The following TNRC6C variants were observed in gnomAD, a reference collection of about 807,000 sequenced individuals.
TNRC6C encodes the protein trinucleotide repeat containing adaptor 6C.
In TNRC6C, 20 loss-of-function variants were observed where a neutral mutation model predicts 153.7. That is an observed-to-expected ratio of 0.13 (90% confidence interval 0.09 to 0.19). The LOEUF (loss-of-function observed/expected upper bound fraction) is 0.19. Among genes scored for constraint, TNRC6C ranks in the 10% least tolerant of loss-of-function variants. The probability of loss-of-function intolerance (pLI) is 1.00; values close to 1 mark genes in which losing one functional copy is unlikely to be tolerated. For synonymous variants in TNRC6C, 811 were observed against 841.4 expected, an observed-to-expected ratio of 0.96 and a Z score of 0.63; for missense variants, 1,987 against 2,172.0, an observed-to-expected ratio of 0.91 and a Z score of 1.69.
In TNRC6C at chr17:78,104,339, A is replaced by C; in HGVS notation, c.4713-146A>C. The stretch of plus-strand genomic sequence containing the variant: ...AGTCTGAACTGAGCAAAACATTCAC[A>C]GTCTGGGTTTGGAAATAGCAGTGGC... On this transcript the variant is annotated intron_variant, in intron 19 of 19. Coordinates refer to ENST00000301624, the Ensembl canonical transcript of TNRC6C. This position sits in a 1 kb window ranked among gnomAD's most constrained non-coding sequence, Gnocchi z 6.2. 1 of 1,127,058 alleles carries C rather than the reference A, an allele frequency of 8.9e-7. No homozygotes were observed. Among genetic ancestry groups the C allele is most frequent in the South Asian group, 1.9e-5 (1 of 53,520 alleles). The allele number at this position is 1,127,058 out of a possible 1,614,324, so 69.8% of individuals were successfully genotyped here.
chr17:78,046,838 C>T (rs1351895437), intron 2 of TNRC6C, among the ~76,000 whole-genome samples: 1 of 152,192 alleles, frequency 6.6e-6, no homozygotes, highest in East Asian at 1.9e-4. Flanking sequence ...TAATGCTATC[C>T]TTCTTTCAAA....
At chr17:78,008,574 T>C (rs1292693738) in intron 1 of TNRC6C, 1 of 152,186 alleles carries the variant, frequency 6.6e-6, no homozygotes, top group Admixed American at 6.5e-5. Flanking sequence ...CCCCTTGATT[T>C]TCCTCTATGC....
intron 9 of TNRC6C, among the ~76,000 whole-genome samples, chr17:78,077,958 C>T (rs1160755653): frequency 6.6e-6 from 1 of 152,188 alleles, no homozygotes; most frequent in Non-Finnish European, 1.5e-5. Context: ...AACATATCAT[C>T]CTTTCCCATC....
chr17:78,026,843 G>A (rs985765933), intron 1 of TNRC6C, among the ~76,000 whole-genome samples: 2 of 152,162 alleles, frequency 1.3e-5, no homozygotes, highest in South Asian at 2.1e-4. Context: ...AATGGTGACC[G>A]TTGGAATGAA....
At chr17:78,099,563 C>A (rs1358841366) in intron 17 of TNRC6C, among the ~76,000 whole-genome samples, 1 of 152,152 alleles carries the variant, frequency 6.6e-6, no homozygotes, top group Non-Finnish European at 1.5e-5. Context: ...CTCACTATCA[C>A]GAGAACAGCA....
chr17:77,962,578 GA>G (rs1424080819), intron 1 of TNRC6C, among the ~76,000 whole-genome samples: 38 of 152,346 alleles, frequency 2.5e-4, no homozygotes, highest in African/African-American at 8.9e-4. Context: ...GGAGCTGGCA[GA>G]AGGATAGGTT....
chr17:78,078,159 C>A (rs139045780), intron 9 of TNRC6C, among the ~76,000 whole-genome samples: 4 of 152,162 alleles, frequency 2.6e-5, no homozygotes, highest in Non-Finnish European at 5.9e-5. Context: ...GTGATCCTGG[C>A]GATCTGACAT....
chr17:78,057,320 A>G (rs1190363483), intron 3 of TNRC6C, among the ~76,000 whole-genome samples: 2 of 152,226 alleles, frequency 1.3e-5, no homozygotes, highest in African/African-American at 4.8e-5. Context: ...AGTGAGAGCA[A>G]AGTTCATCAC....
chr17:77,967,178 CT>C (rs1188146291), intron 1 of TNRC6C, among the ~76,000 whole-genome samples: 1 of 152,096 alleles, frequency 6.6e-6, no homozygotes, highest in African/African-American at 2.4e-5. Flanking sequence ...GTTATTTATT[CT>C]TTTCTATCAA....
chr17:78,107,093 T>G lies in TNRC6C; in HGVS notation c.*2248T>G, dbSNP rs549159215. The stretch of plus-strand genomic sequence containing the variant: ...ATGGACATACACCTGCGTATGTATA[T>G]CCAATATGTGTGCGTGTGAGCATGC... On this transcript the variant is annotated 3_prime_UTR_variant, in exon 20 of 20. Coordinates refer to ENST00000301624, the Ensembl canonical transcript of TNRC6C. 7 of 152,200 alleles carry G rather than the reference T, an allele frequency of 4.6e-5. No individual in the cohort carries two copies. The South Asian group carries it at 1.4e-3, about 32-fold the overall frequency. 9.4% of individuals were successfully genotyped at this position (152,200 alleles called of 1,614,324 possible).
chr17:78,103,315 G>T, intron 18 of TNRC6C, 99 bp from the exon 22 acceptor site: 2 of 1,380,022 alleles, frequency 1.4e-6, no homozygotes, highest in East Asian at 2.4e-5. Context: ...AACATTCCTA[G>T]TGTTTAGTGT....
intron 1 of TNRC6C, among the ~76,000 whole-genome samples, chr17:77,967,540 C>G (rs1158316584): frequency 6.6e-6 from 1 of 152,118 alleles, no homozygotes; most frequent in Non-Finnish European, 1.5e-5. Flanking sequence ...GGGAAGCTGA[C>G]AGGTGAGGAA....
At position 77,959,286 on chromosome 17, in the gene TNRC6C, C is replaced by A. The variant is rs1445562036; in HGVS notation, c.-38+18C>A. 6.6e-6 allele frequency: 1 copy of A among 151,074 alleles called. No homozygotes were observed. Among genetic ancestry groups the A allele is most frequent in the African/African-American group, 2.4e-5 (1 of 41,228 alleles). 9.4% of individuals were successfully genotyped at this position (151,074 alleles called of 1,614,324 possible). On this transcript the variant is annotated intron_variant, in intron 1 of 22. Transcript: ENST00000636222. ...GAGCCCAGGTGAGCGCGGCAGTCCG[C>A]CCGCTCCTCGCCGCAGCCGCAACTT...
upstream of TNRC6C, among the ~76,000 whole-genome samples, chr17:77,958,378 A>G (rs1317533471): frequency 6.6e-6 from 1 of 151,746 alleles, no homozygotes; most frequent in Non-Finnish European, 1.5e-5. Context: ...AGCTCCCAGG[A>G]CTGGCGCGCG....
chr17:77,957,839 G>T (rs1431664394), upstream of TNRC6C, among the ~76,000 whole-genome samples: 1 of 152,278 alleles, frequency 6.6e-6, no homozygotes, highest in African/African-American at 2.4e-5. Context: ...GATCACGGCG[G>T]CGTACGGAGC....
At chr17:78,015,486 T>C (rs1361210206) in intron 1 of TNRC6C, among the ~76,000 whole-genome samples, 1 of 152,246 alleles carries the variant, frequency 6.6e-6, no homozygotes, top group African/African-American at 2.4e-5. Context: ...TATTATACTT[T>C]AGGCTAATGG....
chr17:78,089,755 CAG>C (rs1333956770), intron 13 of TNRC6C, among the ~76,000 whole-genome samples: 2 of 152,138 alleles, frequency 1.3e-5, no homozygotes, highest in Non-Finnish European at 2.9e-5. Flanking sequence ...AAAGAAAAAT[CAG>C]AGAGTAGGAT....
exon 3 of TNRC6C, chr17:78,050,527 T>G (rs1009631239): frequency 5.6e-6 from 9 of 1,613,762 alleles, no homozygotes; most frequent in Non-Finnish European, 7.6e-6. Context: ...GGCTTCAAAC[T>G]CAGGGGGGAA....
chr17:78,051,513 T>C (rs1302469782), intron 3 of TNRC6C, 65 bp downstream of exon 5: 12 of 1,359,676 alleles, frequency 8.8e-6, no homozygotes, highest in South Asian at 3.9e-5. Flanking sequence ...ATTCTCATTA[T>C]ATATTCATGA....
Sources: gnomAD v4.1 joint callset for allele counts (sites outside exome capture counted in the v4.1 genomes callset) on GRCh38, gnomAD v4.1.1 for gene constraint, Gnocchi (gnomAD v3.1) non-coding constraint, MANE v1.5 for transcripts, NCBI Gene and HGNC (gene_info 2026-07-23, HGNC 2026-07-21) for gene names.